The following SCN11A variants were observed in gnomAD, a reference collection of about 807,000 sequenced individuals.
SCN11A encodes sodium channel protein type 11 subunit alpha.
In SCN11A, 122 loss-of-function variants were observed where a neutral mutation model predicts 162.2. The ratio of observed to expected loss-of-function variants is 0.75; its 90% confidence interval spans 0.65 to 0.87. The LOEUF (loss-of-function observed/expected upper bound fraction) is 0.87. Ranked by LOEUF, SCN11A falls within the 40% of genes least tolerant of loss-of-function variation. The pLI is 0.00. For missense variants in SCN11A, 2,015 were observed against 2,181.6 expected, an observed-to-expected ratio of 0.92 and a Z score of 1.52; for synonymous variants, 758 against 751.5, an observed-to-expected ratio of 1.01 and a Z score of -0.14.
intron 4 of SCN11A, among the ~76,000 whole-genome samples, chr3:38,951,456 G>C (rs528861240): frequency 3.3e-5 from 5 of 152,252 alleles, no homozygotes; most frequent in Admixed American, 6.5e-5. Flanking sequence ...GCTCCTGTGC[G>C]GCCGGAGCCT....
intron 2 of SCN11A, among the ~76,000 whole-genome samples, chr3:39,006,363 C>A (rs1301549701): frequency 1.3e-5 from 2 of 152,148 alleles, no homozygotes; most frequent in African/African-American, 2.4e-5. Flanking sequence ...CCCAAGAAGT[C>A]CCAATGATAC....
intron 2 of SCN11A, among the ~76,000 whole-genome samples, chr3:39,021,446 T>C (rs772258350): frequency 6.6e-6 from 1 of 152,148 alleles, no homozygotes; most frequent in Non-Finnish European, 1.5e-5. Flanking sequence ...ATTTCTTTTA[T>C]AGAGAGGAGT....
rs1407371312 is a variant in SCN11A at position 38,957,528 on chromosome 3, G to A, written c.-139+2755C>T. On this transcript the variant is annotated intron_variant, in intron 3 of 29. Transcript: ENST00000302328. ...TAAACTGGGAGGCCGGCCACATGCG[G>A]GTTACGACTTGACGTGGGGAATGAC... is the stretch of plus-strand genomic sequence containing the variant. Among the ~76,000 whole-genome samples, 6 of 152,296 alleles carry A rather than the reference G, an allele frequency of 3.9e-5. No individual in the cohort carries two copies. In the East Asian group the frequency reaches 1.2e-3, roughly 29 times the overall value.
At chr3:39,008,048 G>C (rs775906931) in intron 2 of SCN11A, among the ~76,000 whole-genome samples, 44 of 150,692 alleles carry the variant, frequency 2.9e-4, no homozygotes, top group Non-Finnish European at 6.4e-4. Flanking sequence ...GTGGAGAATT[G>C]CTCGGTGTGG....
At chr3:38,897,289 C>A in intron 17 of SCN11A, 64 bp from the exon 18 acceptor site, 2 of 1,499,614 alleles carry the variant, frequency 1.3e-6, no homozygotes, top group East Asian at 2.3e-5. Context: ...TCCATCTGCT[C>A]ATCTATAAAG....
intron 7 of SCN11A, among the ~76,000 whole-genome samples, chr3:38,933,284 C>A (rs1001668569): frequency 6.6e-6 from 1 of 152,262 alleles, no homozygotes; most frequent in African/African-American, 2.4e-5. Flanking sequence ...AAAAACAGAG[C>A]AGAAAAACTG....
At chr3:38,960,837 G>A (rs1575337452) in intron 2 of SCN11A, among the ~76,000 whole-genome samples, 1 of 152,136 alleles carries the variant, frequency 6.6e-6, no homozygotes, top group Admixed American at 6.5e-5. Flanking sequence ...CATTAACCTT[G>A]GGGTTCAGAC....
intron 2 of SCN11A, among the ~76,000 whole-genome samples, chr3:39,013,880 T>A (rs1011292370): frequency 6.6e-6 from 1 of 152,190 alleles, no homozygotes; most frequent in Non-Finnish European, 1.5e-5. Flanking sequence ...CCATTGAAAG[T>A]CTTTGTGCAA....
intron 2 of SCN11A, among the ~76,000 whole-genome samples, chr3:38,966,196 T>C (rs1321238073): frequency 1.3e-5 from 2 of 152,132 alleles, no homozygotes; most frequent in Non-Finnish European, 2.9e-5. Flanking sequence ...TCTGAGGGTT[T>C]TTGTTGTTGT....
At chr3:39,019,812 C>T (rs1014522072) in intron 2 of SCN11A, among the ~76,000 whole-genome samples, 2 of 152,204 alleles carry the variant, frequency 1.3e-5, no homozygotes, top group African/African-American at 4.8e-5. Flanking sequence ...ATAACCCATA[C>T]ATTTTACTTT....
chr3:38,971,256 A>G (rs2066815298), intron 2 of SCN11A, among the ~76,000 whole-genome samples: 1 of 151,940 alleles, frequency 6.6e-6, no homozygotes, highest in Non-Finnish European at 1.5e-5. Flanking sequence ...CTGGGCTCAC[A>G]TACACAGAGC....
At chr3:38,883,532 C>T (rs1477679607) in intron 21 of SCN11A, 145 bp from the exon 22 acceptor site, 3 of 706,960 alleles carry the variant, frequency 4.2e-6, no homozygotes, top group African/African-American at 3.6e-5. Flanking sequence ...CTTTTTCTAA[C>T]ATCTTAAATC....
intron 28 of SCN11A, among the ~76,000 whole-genome samples, chr3:38,856,706 A>G (rs1369200224): frequency 6.6e-6 from 1 of 152,140 alleles, no homozygotes; most frequent in African/African-American, 2.4e-5. Context: ...CAGTAAATAA[A>G]ACACTGGGAA....
In SCN11A at chr3:38,978,630, AGT is replaced by A. The variant is rs1325656596; in HGVS notation, c.-279-18209_-279-18208del. ...CACTGCACTCCAGTCAGGATGACAG[AGT>A]GAGACCCTGTCTCAAAAAAAAAAAT... On this transcript the variant is annotated intron_variant, in intron 2 of 29. Coordinates refer to ENST00000302328, the MANE Select transcript of SCN11A (RefSeq NM_001349253.2). Among the ~76,000 whole-genome samples the A allele has an allele frequency of 9.6e-5, 14 of 145,204 alleles. No individual in the cohort carries two copies. In the East Asian group the frequency reaches 2.6e-3, roughly 27 times the overall value.
chr3:39,007,484 G>C (rs2031010640), intron 2 of SCN11A, among the ~76,000 whole-genome samples: 1 of 152,116 alleles, frequency 6.6e-6, no homozygotes, highest in South Asian at 2.1e-4. Flanking sequence ...CTCAGGATAG[G>C]GTCTGGTTGC....
At chr3:38,858,334 G>A (rs1171620920) in intron 28 of SCN11A, among the ~76,000 whole-genome samples, 1 of 152,078 alleles carries the variant, frequency 6.6e-6, no homozygotes, top group African/African-American at 2.4e-5. Context: ...GACATTCCAT[G>A]CAAATGGAAA....
At chr3:38,950,442 T>G in intron 4 of SCN11A, 73 bp from the exon 5 acceptor site, 1 of 1,480,306 alleles carries the variant, frequency 6.8e-7, no homozygotes, top group Non-Finnish European at 9.3e-7. Context: ...TGCCCTAGGA[T>G]TCCAGTCTTA....
intron 1 of SCN11A, among the ~76,000 whole-genome samples, chr3:39,040,752 A>G (rs1271790704): frequency 6.6e-6 from 1 of 152,224 alleles, no homozygotes; most frequent in African/African-American, 2.4e-5. Flanking sequence ...AATACAATAG[A>G]GAGCTTCAAT....
intron 3 of SCN11A, among the ~76,000 whole-genome samples, chr3:38,957,365 A>G (rs1047139372): frequency 2.0e-5 from 3 of 152,206 alleles, no homozygotes; most frequent in Non-Finnish European, 4.4e-5. Context: ...TATAGGTTGC[A>G]AAAGGATTGT....
Sources: gnomAD v4.1 joint callset for allele counts (sites outside exome capture counted in the v4.1 genomes callset) on GRCh38, gnomAD v4.1.1 for gene constraint, MANE v1.5 for transcripts, NCBI Gene and HGNC (gene_info 2026-07-23, HGNC 2026-07-21) for gene names.